The following POMC variants were observed in gnomAD, a reference collection of about 807,000 sequenced individuals.
POMC encodes pro-opiomelanocortin.
POMC carries 19 observed loss-of-function variants against 18.5 expected under a neutral mutation model. That is an observed-to-expected ratio of 1.03 (90% CI 0.72 to 1.51). The LOEUF (loss-of-function observed/expected upper bound fraction) is 1.51. Ranked by LOEUF, POMC falls within the 40% of genes most tolerant of loss-of-function variation. POMC has a pLI of 0.00. For synonymous variants in POMC, 179 were observed against 161.9 expected (o/e 1.11, Z -0.80); for missense variants, 451 against 379.0 (o/e 1.19, Z -1.58).
rs1217818255 is a variant in POMC, at chr2:25,161,665, G to T, written c.220C>A (p.Pro74Thr). The T allele has an allele frequency of 2.6e-6, 4 of 1,561,812 alleles. No individual in the cohort carries two copies. Among genetic ancestry groups the T allele is most frequent in the Admixed American group, 3.8e-5 (2 of 52,770 alleles). Residue 74 changes from proline (P) to threonine (T), a missense_variant, in exon 3 of 3, where the codon CCC (proline) becomes ACC (threonine). By Grantham distance (38) the Pro-to-Thr change is conservative. Transcript: ENST00000395826. This position sits in a 1 kb window ranked among gnomAD's most constrained non-coding sequence, Gnocchi z 5.7. The part of the protein sequence containing the change: ...NGDEQPLTEN[P>T]RKYVMGHFRW... ...AAGTGGCCCATGACGTACTTCCGGG[G>T]GTTCTCGGTCAGAGGCTGCTCGTCG... is the stretch of plus-strand genomic sequence containing the variant.
At chr2:25,165,858 C>A (rs1671537829) in intron 1 of POMC, among the ~76,000 whole-genome samples, 1 of 152,290 alleles carries the variant, frequency 6.6e-6, no homozygotes, top group Non-Finnish European at 1.5e-5. Flanking sequence ...CAGCTCACCG[C>A]CAACCCTACA....
intron 2 of POMC, among the ~76,000 whole-genome samples, chr2:25,163,957 C>T (rs1379078691): frequency 6.6e-6 from 1 of 152,020 alleles, no homozygotes. Flanking sequence ...GATTTGGCAT[C>T]ATTACTCATT....
rs527301468 is a variant in POMC at position 25,161,828 on chromosome 2, C to A, written c.133-76G>T. 1 of 1,491,182 alleles carries A rather than the reference C, an allele frequency of 6.7e-7. No individual in the cohort carries two copies. The highest frequency in any genetic ancestry group is 2.5e-5 in the East Asian group (1 of 40,094). 92.4% of individuals were successfully genotyped at this position (1,491,182 alleles called of 1,614,324 possible). A position where few individuals can be genotyped will look rare whatever the true frequency, so the allele number is the denominator to read the frequency against. ...CCGGCTGCCGCGCCCGTCACTGCGC[C>A]TAGGCCCTGGCCGCCCTCGCCACGT... On this transcript the variant is annotated intron_variant, in intron 2 of 2. Coordinates refer to ENST00000395826, the MANE Select transcript of POMC (RefSeq NM_000939.4). The surrounding 1 kb of genome is among the most constrained non-coding windows in gnomAD (Gnocchi z 5.7).
At chr2:25,167,286 A>C (rs1456391687) in intron 1 of POMC, among the ~76,000 whole-genome samples, 1 of 152,186 alleles carries the variant, frequency 6.6e-6, no homozygotes, top group South Asian at 2.1e-4. Flanking sequence ...CACACACAAA[A>C]AAAATCCACA....
chr2:25,164,563 A>G (rs965989005), intron 2 of POMC, 78 bp downstream of exon 2: 82 of 1,604,892 alleles, frequency 5.1e-5, no homozygotes, highest in Non-Finnish European at 4.8e-5. Flanking sequence ...CCCTTTCCCC[A>G]CACCCTTTTC....
At chr2:25,164,956 G>A (rs1395994011) in intron 1 of POMC, 164 bp from the exon 2 acceptor site, 7 of 657,480 alleles carry the variant, frequency 1.1e-5, no homozygotes, top group Middle Eastern at 4.2e-4. Context: ...GCAGTACAGC[G>A]GTGGTATAAG....
chr2:25,164,367 G>C (rs1671484533), intron 2 of POMC, among the ~76,000 whole-genome samples: 1 of 152,146 alleles, frequency 6.6e-6, no homozygotes, highest in South Asian at 2.1e-4. Flanking sequence ...ACCATCTCTA[G>C]CTTAAAGGGT....
intron 1 of POMC, 54 bp from the exon 2 acceptor site, chr2:25,164,846 G>C: frequency 6.3e-7 from 1 of 1,597,106 alleles, no homozygotes; most frequent in Non-Finnish European, 8.6e-7. Context: ...AACAATGTTG[G>C]CCACTCACCA....
chr2:25,161,326 C>T lies in POMC; in HGVS notation c.559G>A (p.Glu187Lys). ...KRELTGQRLR[E>K]GDGPDGPADD... ...GCAGGGCCGTCGGGGCCATCTCCCT[C>T]CCGGAGTCGCTGGCCAGTCAGCTCC... The change falls in exon 3 of 3, where the codon GAG becomes AAG. Residue 187 changes from glutamate (E) to lysine (K), a missense_variant. Transcript: ENST00000395826. This position sits in a 1 kb window ranked among gnomAD's most constrained non-coding sequence, Gnocchi z 5.7. 1 of 1,606,832 alleles carries T rather than the reference C, an allele frequency of 6.2e-7. No homozygotes were observed. Among genetic ancestry groups the T allele is most frequent in the Non-Finnish European group, 8.5e-7 (1 of 1,177,050 alleles).
At position 25,161,381 on chromosome 2, in the gene POMC, C is replaced by G. The variant is rs1054095367; in HGVS notation, c.504G>C (p.Ser168=). The change falls in exon 3 of 3, where the codon TCG becomes TCC. Residue 168 remains serine, a synonymous_variant. Transcript: ENST00000395826. The surrounding 1 kb of genome is among the most constrained non-coding windows in gnomAD (Gnocchi z 5.7). The stretch of plus-strand genomic sequence containing the variant: ...TGAACTCCAGGGGGAAGGCCTCGGC[C>G]GACTCGTCCTCGGCGCCGTTAGGGT... ...KVYPNGAEDE[S]AEAFPLEFKR... 4 of 1,607,046 alleles carry G rather than the reference C, an allele frequency of 2.5e-6. No homozygotes were observed. Among genetic ancestry groups the G allele is most frequent in the African/African-American group, 2.7e-5 (2 of 74,780 alleles).
Position 25,161,805 on chromosome 2 carries a change from G to C in POMC, c.133-53C>G. ...CAGCCCGTGCCCCGCACCCCGGCCC[G>C]GCTGCCGCGCCCGTCACTGCGCCTA... On this transcript the variant is annotated intron_variant, in intron 2 of 2. Transcript: ENST00000395826. The surrounding 1 kb of genome is among the most constrained non-coding windows in gnomAD (Gnocchi z 5.7). The C allele has an allele frequency of 6.5e-7, 1 of 1,530,016 alleles. No individual in the cohort carries two copies. Among genetic ancestry groups the C allele is most frequent in the East Asian group, 2.5e-5 (1 of 40,652 alleles). The allele number at this position is 1,530,016 out of a possible 1,614,324, so 94.8% of individuals were successfully genotyped here.
intron 2 of POMC, among the ~76,000 whole-genome samples, chr2:25,162,153 TAATG>T (rs1190433652): frequency 1.3e-5 from 2 of 152,158 alleles, no homozygotes; most frequent in Non-Finnish European, 2.9e-5. Flanking sequence ...TGTTGGCACT[TAATG>T]AATATTGAGG....
At position 25,161,439 on chromosome 2, in the gene POMC, G is replaced by C; in HGVS notation, c.446C>G (p.Pro149Arg). The C allele has an allele frequency of 6.2e-7, 1 of 1,610,588 alleles. No homozygotes were observed. The highest frequency in any genetic ancestry group is 1.1e-5 in the South Asian group (1 of 90,624). ...CACTGGGCGCCGCTTCTTGCCCACC[G>C]GCTTGCCCCAGCGGAAGTGCTCCAT... ...YSMEHFRWGK[P>R]VGKKRRPVKV... Residue 149 changes from proline to arginine, a missense_variant, in exon 3 of 3, where the codon CCG becomes CGG. Pro to Arg is a moderately radical substitution (Grantham distance 103, BLOSUM62 -2). Coordinates refer to ENST00000395826, the MANE Select transcript of POMC (RefSeq NM_000939.4). The surrounding 1 kb of genome is among the most constrained non-coding windows in gnomAD (Gnocchi z 5.7).
At chr2:25,163,342 C>T (rs1314727556) in intron 2 of POMC, among the ~76,000 whole-genome samples, 1 of 152,218 alleles carries the variant, frequency 6.6e-6, no homozygotes, top group Non-Finnish European at 1.5e-5. Context: ...GTCCAGTGCA[C>T]CCTCCCTGGT....
chr2:25,161,399 GTTA>G lies in POMC; in HGVS notation c.483_485del (p.Asn162del). On this transcript the variant is annotated inframe_deletion, in exon 3 of 3. Transcript: ENST00000395826. The surrounding 1 kb of genome is among the most constrained non-coding windows in gnomAD (Gnocchi z 5.7). ...CCTCGGCCGACTCGTCCTCGGCGCC[GTTA>G]GGGTACACCTTCACTGGGCGCCGCT... The G allele has an allele frequency of 6.2e-7, 1 of 1,609,306 alleles. No individual in the cohort carries two copies. The highest frequency in any genetic ancestry group is 1.3e-5 in the African/African-American group (1 of 74,836).
chr2:25,161,060 C>G lies in POMC; in HGVS notation c.*21G>C, dbSNP rs753399495. 1 of 1,613,942 alleles carries G rather than the reference C, an allele frequency of 6.2e-7. No individual in the cohort carries two copies. The highest frequency in any genetic ancestry group is 8.5e-7 in the Non-Finnish European group (1 of 1,180,002). On this transcript the variant is annotated 3_prime_UTR_variant, in exon 3 of 3. Transcript: ENST00000395826. This position sits in a 1 kb window ranked among gnomAD's most constrained non-coding sequence, Gnocchi z 5.7. The stretch of plus-strand genomic sequence containing the variant: ...GGGTCGACCTCCTGGGGGAGGGTAG[C>G]CCTGGGGCCCCGCTGTGCCCTCACT...
chr2:25,162,174 C>A (rs1264905838), intron 2 of POMC, among the ~76,000 whole-genome samples: 1 of 152,176 alleles, frequency 6.6e-6, no homozygotes, highest in Non-Finnish European at 1.5e-5. Flanking sequence ...GAGGGCCGGG[C>A]ACGGTGGCTC....
Position 25,161,446 on chromosome 2 carries a change from C to T in POMC, c.439G>A (p.Gly147Ser). 2 of 1,610,466 alleles carry T rather than the reference C, an allele frequency of 1.2e-6. No homozygotes were observed. Among genetic ancestry groups the T allele is most frequent in the African/African-American group, 1.3e-5 (1 of 75,032 alleles). The change falls in exon 3 of 3, where the codon GGC becomes AGC. Residue 147 changes from glycine to serine, a missense_variant. Gly to Ser is a moderately conservative substitution (Grantham distance 56). Transcript: ENST00000395826. The surrounding 1 kb of genome is among the most constrained non-coding windows in gnomAD (Gnocchi z 5.7). ...CGCCGCTTCTTGCCCACCGGCTTGC[C>T]CCAGCGGAAGTGCTCCATGGAGTAG... ...RSYSMEHFRWGKPVGKKRRPV... is the reference protein window; with the variant it reads ...RSYSMEHFRWSKPVGKKRRPV...
intron 2 of POMC, among the ~76,000 whole-genome samples, chr2:25,162,151 C>T (rs1671415362): frequency 6.6e-6 from 1 of 152,160 alleles, no homozygotes; most frequent in African/African-American, 2.4e-5. Flanking sequence ...GTTGTTGGCA[C>T]TTAATGAATA....
Sources: allele counts gnomAD v4.1 joint callset (sites outside exome capture counted in the v4.1 genomes callset), GRCh38; gene constraint gnomAD v4.1.1; non-coding constraint Gnocchi (gnomAD v3.1); transcripts MANE v1.5; gene names NCBI Gene and HGNC (gene_info 2026-07-23, HGNC 2026-07-21).